EYS: variants seen among roughly 807,000 people sequenced by gnomAD.
The protein encoded by EYS is EGF-like photoreceptor maintenance factor.
Under a neutral mutation model 282.1 loss-of-function variants are expected in EYS, and 250 were observed. The ratio of observed to expected loss-of-function variants is 0.89; its 90% CI spans 0.80 to 0.98. EYS has a LOEUF of 0.98. EYS is among the 50% of genes least tolerant of loss of function. The pLI, the probability that EYS is intolerant of heterozygous loss-of-function variation, is 0.00. For synonymous variants in EYS, 1,355 were observed against 1,282.9 expected, an observed-to-expected ratio of 1.06 and a Z score of -1.20; for missense variants, 4,016 against 3,709.0, an observed-to-expected ratio of 1.08 and a Z score of -2.15.
intron 2 of EYS, among the ~76,000 whole-genome samples, chr6:65,575,572 C>G (rs147540207): frequency 1.3e-4 from 19 of 151,630 alleles, no homozygotes; most frequent in African/African-American, 4.6e-4. Flanking sequence ...AAGTTTGTAG[C>G]ATGAATGATA....
chr6:64,933,902 T>G (rs1475026524), intron 15 of EYS, among the ~76,000 whole-genome samples: 2 of 152,088 alleles, frequency 1.3e-5, no homozygotes, highest in Non-Finnish European at 2.9e-5. Context: ...AAACACTGCA[T>G]GTTCTCACTC....
chr6:64,391,027 G>C (rs1385524178), intron 28 of EYS, among the ~76,000 whole-genome samples: 1 of 152,202 alleles, frequency 6.6e-6, no homozygotes, highest in African/African-American at 2.4e-5. Context: ...GGGTATCAGT[G>C]ATGGAAGATG....
At chr6:64,617,691 T>G (rs905128445) in intron 23 of EYS, among the ~76,000 whole-genome samples, 158 bp from the exon 24 acceptor site, 2 of 152,204 alleles carry the variant, frequency 1.3e-5, no homozygotes, top group Non-Finnish European at 2.9e-5. Context: ...GTTTATCAGG[T>G]AGCTCTTATT....
At chr6:64,983,151 T>C (rs1170016054) in intron 14 of EYS, among the ~76,000 whole-genome samples, 1 of 151,298 alleles carries the variant, frequency 6.6e-6, no homozygotes, top group African/African-American at 2.4e-5. Context: ...TCTTTTGATT[T>C]ACTCATAGAG....
intron 30 of EYS, among the ~76,000 whole-genome samples, chr6:64,243,125 C>A (rs1371212657): frequency 6.7e-6 from 1 of 150,360 alleles, no homozygotes; most frequent in Non-Finnish European, 1.5e-5. Flanking sequence ...AAATCTCCAA[C>A]TAAATAAAAG....
chr6:64,740,181 A>C (rs1450752159), intron 22 of EYS, among the ~76,000 whole-genome samples: 1 of 152,180 alleles, frequency 6.6e-6, no homozygotes, highest in Non-Finnish European at 1.5e-5. Context: ...AGCACAATCT[A>C]CATAATCACA....
intron 2 of EYS, among the ~76,000 whole-genome samples, chr6:65,592,129 C>T (rs1209893570): frequency 6.6e-6 from 1 of 151,900 alleles, no homozygotes; most frequent in Non-Finnish European, 1.5e-5. Flanking sequence ...TTTCAAAACA[C>T]ATTTCTATTC....
At chr6:64,356,804 A>C (rs1004020910) in intron 29 of EYS, among the ~76,000 whole-genome samples, 1 of 151,612 alleles carries the variant, frequency 6.6e-6, no homozygotes, top group Non-Finnish European at 1.5e-5. Context: ...AATTGTCAAA[A>C]TCTGTTTCAA....
chr6:65,692,682 T>C (rs1177472474), intron 1 of EYS, among the ~76,000 whole-genome samples: 1 of 150,004 alleles, frequency 6.7e-6, no homozygotes, highest in Non-Finnish European at 1.5e-5. Flanking sequence ...ATATAATTTT[T>C]TTGGTTCTAA....
Position 64,064,572 on chromosome 6 carries a change from A to G in EYS, c.6725+1766T>C, listed in dbSNP as rs536942598. Among the ~76,000 whole-genome samples the G allele has an allele frequency of 2.0e-5, 3 of 152,306 alleles. No homozygotes were observed. The South Asian group carries it at 6.2e-4, about 32-fold the overall frequency. ...ACTTTCTTAAGTTTTGATAAAATTA[A>G]TCTAAACACTTGGAAAGTCCTTTTC... On this transcript the variant is annotated intron_variant, in intron 33 of 42. Coordinates refer to ENST00000503581, the MANE Select transcript of EYS (RefSeq NM_001142800.2).
chr6:65,097,908 T>C (rs138753757), intron 12 of EYS, among the ~76,000 whole-genome samples: 167 of 151,060 alleles, frequency 1.1e-3, no homozygotes, highest in African/African-American at 3.8e-3. Flanking sequence ...GAATGATTTC[T>C]AGAAATCTGC....
chr6:64,271,715 T>A (rs1422342549), intron 30 of EYS, among the ~76,000 whole-genome samples: 1 of 15,158 alleles, frequency 6.6e-5, no homozygotes, highest in Admixed American at 6.2e-4. Context: ...TTTTGTGGGT[T>A]TTTTTTGCAT....
intron 26 of EYS, among the ~76,000 whole-genome samples, chr6:64,509,941 C>T (rs760266030): frequency 2.2e-4 from 33 of 152,190 alleles, no homozygotes; most frequent in Admixed American, 5.9e-4. Flanking sequence ...GGCATTATTT[C>T]TTACAATAAA....
chr6:65,400,118 G>C (rs1295258027), intron 7 of EYS, among the ~76,000 whole-genome samples: 1 of 151,892 alleles, frequency 6.6e-6, no homozygotes. Flanking sequence ...GCAAGTAGGG[G>C]GTAAAAAAGT....
chr6:64,130,546 C>G (rs1355270216), intron 31 of EYS, among the ~76,000 whole-genome samples: 1 of 151,924 alleles, frequency 6.6e-6, no homozygotes, highest in Non-Finnish European at 1.5e-5. Context: ...TTAATGGGTG[C>G]TGCACACCAA....
At chr6:64,918,640 T>C (rs1266006874) in intron 15 of EYS, among the ~76,000 whole-genome samples, 1 of 152,170 alleles carries the variant, frequency 6.6e-6, no homozygotes, top group Non-Finnish European at 1.5e-5. Context: ...ATATTTCTGA[T>C]GTAGGACAGA....
intron 28 of EYS, among the ~76,000 whole-genome samples, chr6:64,431,262 G>T (rs1774567249): frequency 1.3e-5 from 2 of 151,948 alleles, no homozygotes; most frequent in African/African-American, 4.8e-5. Flanking sequence ...TTCTGTATGG[G>T]TCTCTCTCTA....
At chr6:64,998,934 T>C (rs1771365305) in intron 13 of EYS, among the ~76,000 whole-genome samples, 1 of 152,222 alleles carries the variant, frequency 6.6e-6, no homozygotes, top group Non-Finnish European at 1.5e-5. Flanking sequence ...TGGAGTCAAA[T>C]TAACTTTCAG....
At chr6:65,227,353 A>G (rs144321148) in intron 12 of EYS, among the ~76,000 whole-genome samples, 3 of 152,250 alleles carry the variant, frequency 2.0e-5, no homozygotes, top group African/African-American at 7.2e-5. Context: ...TTTCTTTGTG[A>G]GGTGATAAAA....
Sources: allele counts gnomAD v4.1 joint callset (sites outside exome capture counted in the v4.1 genomes callset), GRCh38; gene constraint gnomAD v4.1.1; transcripts MANE v1.5; gene names NCBI Gene and HGNC (gene_info 2026-07-23, HGNC 2026-07-21).